Variants in DACH2 observed in about 807,000 individuals in gnomAD.
The protein encoded by DACH2 is dachshund family transcription factor 2, also known as dachshund homolog 2.
A neutral mutation model predicts 35.8 loss-of-function variants in DACH2; 17 were observed. The observed-to-expected ratio is 0.48, with a 90% CI of 0.33 to 0.71. The LOEUF (loss-of-function observed/expected upper bound fraction) is 0.71. DACH2 is among the 30% of genes least tolerant of loss of function. The pLI, the probability that DACH2 is intolerant of heterozygous loss-of-function variation, is 0.02. For missense variants in DACH2, 469 were observed against 472.7 expected (o/e 0.99, Z 0.07); for synonymous variants, 195 against 177.3 (o/e 1.10, Z -0.79).
chrX:86,263,600 A>C (rs950589528), intron 1 of DACH2, among the ~76,000 whole-genome samples: 20 of 112,105 alleles, frequency 1.8e-4, no homozygotes, highest in African/African-American at 6.5e-4. Context: ...TGTGTAAAAG[A>C]GAAACCCTTT....
intron 1 of DACH2, among the ~76,000 whole-genome samples, chrX:86,323,109 G>T (rs1417084579): frequency 8.9e-6 from 1 of 112,369 alleles, no homozygotes; most frequent in African/African-American, 3.2e-5. Context: ...AGGTGGAGGT[G>T]TAAGCCTTGA....
intron 7 of DACH2, among the ~76,000 whole-genome samples, chrX:86,772,527 G>A (rs5968991): frequency 0.068 from 7,537 of 111,273 alleles, 606 homozygotes; most frequent in African/African-American, 0.23. Flanking sequence ...AGTAACGCAT[G>A]AGTGTTTTTC....
intron 2 of DACH2, among the ~76,000 whole-genome samples, chrX:86,410,146 G>A (rs2036587466): frequency 8.9e-6 from 1 of 112,112 alleles, no homozygotes; most frequent in African/African-American, 3.2e-5. Flanking sequence ...AATAGCAAAA[G>A]ACAGTCTTTC....
chrX:86,310,415 C>T (rs1415013392), intron 1 of DACH2, among the ~76,000 whole-genome samples: 2 of 111,647 alleles, frequency 1.8e-5, no homozygotes, highest in Non-Finnish European at 3.8e-5. Context: ...GTGGAGTTCC[C>T]TATGATCAGT....
rs774283219 is a variant in DACH2, at chrX:86,681,107, A to G, written c.773-13914A>G. The stretch of plus-strand genomic sequence containing the variant: ...GACTCCTTTCTATCTTGCTTGATAT[A>G]ATTTTCTTGAATTTGTTTCTTTATG... On this transcript the variant is annotated intron_variant, in intron 4 of 11. Transcript: ENST00000373125. Among the ~76,000 whole-genome samples the G allele has an allele frequency of 5.4e-5, 6 of 111,433 alleles. No homozygotes were observed. The South Asian group carries it at 2.3e-3, about 42-fold the overall frequency.
intron 2 of DACH2, among the ~76,000 whole-genome samples, chrX:86,403,062 C>T (rs1170404098): frequency 8.9e-6 from 1 of 111,993 alleles, no homozygotes; most frequent in African/African-American, 3.2e-5. Flanking sequence ...AAATGTAATA[C>T]CTCAAACTAT....
chrX:86,210,327 C>T (rs1008317724), intron 1 of DACH2, among the ~76,000 whole-genome samples: 1 of 111,327 alleles, frequency 9.0e-6, no homozygotes, highest in African/African-American at 3.3e-5. Context: ...ATCACAAAAG[C>T]GATTTTGTAT....
intron 3 of DACH2, among the ~76,000 whole-genome samples, chrX:86,544,186 A>G (rs1168296523): frequency 9.0e-6 from 1 of 111,282 alleles, no homozygotes; most frequent in African/African-American, 3.3e-5. Flanking sequence ...TGGCATCCCA[A>G]GACAGGGAGA....
intron 1 of DACH2, among the ~76,000 whole-genome samples, chrX:86,197,342 A>C (rs1026786645): frequency 1.8e-5 from 2 of 111,894 alleles, no homozygotes; most frequent in Admixed American, 1.9e-4. Context: ...ACTATAAAGC[A>C]ACCACATAAA....
At chrX:86,179,317 A>G (rs1414585095) in intron 1 of DACH2, among the ~76,000 whole-genome samples, 1 of 112,231 alleles carries the variant, frequency 8.9e-6, no homozygotes, top group African/African-American at 3.2e-5. Flanking sequence ...CGAACAGCAA[A>G]ATCTGTATCT....
chrX:86,604,244 G>GT (rs2039829344), intron 3 of DACH2, among the ~76,000 whole-genome samples: 1 of 111,064 alleles, frequency 9.0e-6, no homozygotes, highest in Admixed American at 9.6e-5. Flanking sequence ...TAATCATTAT[G>GT]TTTTATCTCT....
chrX:86,562,432 G>T lies in DACH2; in HGVS notation c.640+48041G>T, dbSNP rs900748032. ...TGAATGGTATATGCTTGCAAAGAAG[G>T]ATTAGGAAAGTTTGGAGGAGTGAAG... On this transcript the variant is annotated intron_variant, in intron 3 of 11. Transcript: ENST00000373125. Among the ~76,000 whole-genome samples, 29 of 111,072 alleles carry T rather than the reference G, an allele frequency of 2.6e-4. 1 individual carries two copies. Among genetic ancestry groups the T allele is most frequent in the African/African-American group, 9.5e-4 (29 of 30,671 alleles).
At chrX:86,245,288 G>A (rs982666531) in intron 1 of DACH2, among the ~76,000 whole-genome samples, 1 of 111,507 alleles carries the variant, frequency 9.0e-6, no homozygotes, top group Non-Finnish European at 1.9e-5. Context: ...TGGTGCAAGT[G>A]CATGCTTGCA....
intron 4 of DACH2, among the ~76,000 whole-genome samples, chrX:86,682,198 T>C (rs2040888799): frequency 9.0e-6 from 1 of 111,729 alleles, no homozygotes; most frequent in Non-Finnish European, 1.9e-5. Flanking sequence ...ACCGCTTTCT[T>C]AGCTCTCTTC....
chrX:86,297,433 A>C (rs2034488696), intron 1 of DACH2, among the ~76,000 whole-genome samples: 1 of 111,867 alleles, frequency 8.9e-6, no homozygotes, highest in Admixed American at 9.5e-5. Context: ...CCATCATAGG[A>C]GGTTAGTTGT....
chrX:86,361,416 C>T (rs2035737667), intron 1 of DACH2, among the ~76,000 whole-genome samples: 1 of 111,266 alleles, frequency 9.0e-6, no homozygotes, highest in Non-Finnish European at 1.9e-5. Flanking sequence ...AAGAGAACTC[C>T]AACAATTATC....
At chrX:86,719,022 T>A (rs956504746) in intron 6 of DACH2, among the ~76,000 whole-genome samples, 9 of 112,203 alleles carry the variant, frequency 8.0e-5, no homozygotes, top group Non-Finnish European at 1.5e-4. Flanking sequence ...AAAAATGAAT[T>A]TTTTTATGGA....
chrX:86,801,031 G>A (rs759147503), intron 7 of DACH2, among the ~76,000 whole-genome samples: 1 of 110,966 alleles, frequency 9.0e-6, no homozygotes. Flanking sequence ...TGTGAAAATT[G>A]CAGTGCTTTG....
chrX:86,831,423 T>G (rs1306678025), intron 11 of DACH2: 1 of 111,782 alleles, frequency 8.9e-6, no homozygotes, highest in Non-Finnish European at 1.9e-5. Flanking sequence ...CTTTGTGATG[T>G]ATCTAAATAG....
Sources: gnomAD v4.1 joint callset for allele counts (sites outside exome capture counted in the v4.1 genomes callset) on GRCh38, gnomAD v4.1.1 for gene constraint, MANE v1.5 for transcripts, NCBI Gene and HGNC (gene_info 2026-07-23, HGNC 2026-07-21) for gene names.